The following PCDHGA8 variants were observed in gnomAD, a reference collection of about 807,000 sequenced individuals.
PCDHGA8 encodes protocadherin gamma-A8.
In PCDHGA8, 45 loss-of-function variants were observed where a neutral mutation model predicts 59.2. That is an observed-to-expected ratio of 0.76 (90% CI 0.60 to 0.98). PCDHGA8 has a LOEUF of 0.98. PCDHGA8 is among the 50% of genes least tolerant of loss of function. The pLI, the probability that PCDHGA8 is intolerant of heterozygous loss-of-function variation, is 0.00. For synonymous variants in PCDHGA8, 531 were observed against 519.0 expected, an observed-to-expected ratio of 1.02 and a Z score of -0.32; for missense variants, 1,257 against 1,196.2, an observed-to-expected ratio of 1.05 and a Z score of -0.75.
chr5:141,394,705 C>T lies in PCDHGA8; in HGVS notation c.1892C>T (p.Ala631Val), dbSNP rs1245348426. 6.2e-7 allele frequency: 1 copy of T among 1,613,256 alleles called. No individual in the cohort carries two copies. The highest frequency in any genetic ancestry group is 1.7e-5 in the Admixed American group (1 of 60,012). ...LHTGEVRTAR[A>V]LLDRDALKQS... ...ACGGGCGAGGTGCGCACGGCGCGAG[C>T]CCTGCTGGACAGAGATGCGCTCAAG... The change falls in exon 1 of 4, where the codon GCC becomes GTC. Residue 631 changes from alanine (A) to valine (V), a missense_variant. Coordinates refer to ENST00000398604, the MANE Select transcript of PCDHGA8 (RefSeq NM_032088.2).
At position 141,485,325 on chromosome 5, in the gene PCDHGA8, A is replaced by T; in HGVS notation, c.2425-9482A>T. 6.2e-7 allele frequency: 1 copy of T among 1,614,078 alleles called. No homozygotes were observed. Among genetic ancestry groups the T allele is most frequent in the Non-Finnish European group, 8.5e-7 (1 of 1,180,014 alleles). ...ACTTTTGTAGGGAATGTCGCTCAAG[A>T]TTTCCTGCTGGATACGGACAGTCTG... is the stretch of plus-strand genomic sequence containing the variant. On this transcript the variant is annotated intron_variant, in intron 1 of 3. Coordinates refer to ENST00000398604, the MANE Select transcript of PCDHGA8 (RefSeq NM_032088.2). This position sits in a 1 kb window ranked among gnomAD's most constrained non-coding sequence, Gnocchi z 5.7.
chr5:141,394,667 G>T lies in PCDHGA8; in HGVS notation c.1854G>T (p.Ser618=). 1.2e-6 allele frequency: 2 copies of T among 1,613,252 alleles called. No individual in the cohort carries two copies. Among genetic ancestry groups the T allele is most frequent in the East Asian group, 2.2e-5 (1 of 44,860 alleles). The change falls in exon 1 of 4, where the codon TCG becomes TCT. Residue 618 remains serine (S), a synonymous_variant. Transcript: ENST00000398604. ...LLKASEPGLF[S]VGLHTGEVRT... is the part of the protein sequence containing the mutation. Reference sequence around the variant, plus strand: ...AGGCCAGCGAGCCGGGACTCTTCTCGGTGGGTCTGCACACGGGCGAGGTGC... The same window carrying T: ...AGGCCAGCGAGCCGGGACTCTTCTCTGTGGGTCTGCACACGGGCGAGGTGC...
intron 2 of PCDHGA8, among the ~76,000 whole-genome samples, chr5:141,496,827 C>A (rs1595415247): frequency 6.6e-6 from 1 of 151,780 alleles, no homozygotes; most frequent in East Asian, 1.9e-4. Context: ...TAGATGTGAT[C>A]CCAGAACTCA....
Position 141,400,574 on chromosome 5 carries a change from T to A in PCDHGA8, c.2424+5337T>A, listed in dbSNP as rs1589419530. On this transcript the variant is annotated intron_variant, in intron 1 of 3. Transcript: ENST00000398604. ...TTTTCATTACCCACCCAATTTTCTG[T>A]ATTTACATGAAACTATCGTACATTT... 3 of 1,612,232 alleles carry A rather than the reference T, an allele frequency of 1.9e-6. No individual in the cohort carries two copies. In the Middle Eastern group the frequency reaches 4.9e-4, roughly 266 times the overall value.
rs2099419063 is a variant in PCDHGA8 at position 141,477,824 on chromosome 5, C to G, written c.2425-16983C>G. On this transcript the variant is annotated intron_variant, in intron 1 of 3. Coordinates refer to ENST00000398604, the MANE Select transcript of PCDHGA8 (RefSeq NM_032088.2). This position sits in a 1 kb window ranked among gnomAD's most constrained non-coding sequence, Gnocchi z 4.9. ...TGACAATGCCCCCCAGGTCCTATAT[C>G]CTCGGCCAGGTGGGAGCTCGGTGGA... is the stretch of plus-strand genomic sequence containing the variant. 5.6e-6 allele frequency: 9 copies of G among 1,614,196 alleles called. No individual in the cohort carries two copies. The highest frequency in any genetic ancestry group is 5.9e-6 in the Non-Finnish European group (7 of 1,180,034).
rs745334496 is a variant in PCDHGA8 at position 141,478,302 on chromosome 5, C to A, written c.2425-16505C>A. 47 of 1,613,952 alleles carry A rather than the reference C, an allele frequency of 2.9e-5. 1 individual carries two copies. In the Admixed American group the frequency reaches 7.0e-4, roughly 24 times the overall value. On this transcript the variant is annotated intron_variant, in intron 1 of 3. Transcript: ENST00000398604. ...AAGCAGTCTAGAGACCTATACCGAGCCCCGGTGAGCTCACTGTACCGAACA... is the reference window on the plus strand; with the variant it reads ...AAGCAGTCTAGAGACCTATACCGAGACCCGGTGAGCTCACTGTACCGAACA...
In PCDHGA8 at chr5:141,393,504, A is replaced by T; in HGVS notation, c.691A>T (p.Thr231Ser). ...PRSSTVRIHV[T>S]VLDTNDNAPV... ...CTCTAGCACAGTGCGCATCCACGTG[A>T]CAGTGTTGGATACAAATGACAATGC... The change falls in exon 1 of 4, where the codon ACA (threonine) becomes TCA (serine). Residue 231 changes from threonine to serine, a missense_variant. Transcript: ENST00000398604. The T allele has an allele frequency of 6.2e-7, 1 of 1,614,036 alleles. No homozygotes were observed.
rs726684 is a variant in PCDHGA8 at position 141,392,860 on chromosome 5, T to C, written c.47T>C (p.Leu16Pro). 1 of 1,612,118 alleles carries C rather than the reference T, an allele frequency of 6.2e-7. No individual in the cohort carries two copies. Among genetic ancestry groups the C allele is most frequent in the Non-Finnish European group, 8.5e-7 (1 of 1,179,232 alleles). Residue 16 changes from leucine to proline, a missense_variant, in exon 1 of 4, where the codon CTG (leucine) becomes CCG (proline). By Grantham distance (98) the Leu-to-Pro change is moderately conservative. Coordinates refer to ENST00000398604, the MANE Select transcript of PCDHGA8 (RefSeq NM_032088.2). The part of the protein sequence containing the change: ...SRPRRGELIL[L>P]CALLGTLWEI... ...CCCAGACGCGGCGAGCTGATCCTGC[T>C]GTGCGCGCTGCTGGGAACGCTGTGG...
chr5:141,413,981 C>T (rs563161887), intron 1 of PCDHGA8: 52 of 1,613,334 alleles, frequency 3.2e-5, no homozygotes, highest in African/African-American at 5.3e-5. Context: ...CTGACAGTCA[C>T]AGCCACCGAC....
intron 1 of PCDHGA8, chr5:141,399,809 C>A (rs547922730): frequency 1.2e-6 from 2 of 1,613,222 alleles, no homozygotes; most frequent in Admixed American, 1.7e-5. Flanking sequence ...GTGCTGTACC[C>A]CGCGCTGGGT....
chr5:141,418,785 T>C, intron 1 of PCDHGA8: 1 of 1,613,862 alleles, frequency 6.2e-7, no homozygotes, highest in African/African-American at 1.3e-5. Flanking sequence ...CCTTTGGATT[T>C]TGAAGAAGTA....
intron 1 of PCDHGA8, among the ~76,000 whole-genome samples, chr5:141,457,171 T>C (rs1337137368): frequency 3.3e-5 from 5 of 152,216 alleles, no homozygotes; most frequent in Non-Finnish European, 7.3e-5. Flanking sequence ...GATAACCCTA[T>C]TGCAAATAGT....
At position 141,511,399 on chromosome 5, in the gene PCDHGA8, A is replaced by C; in HGVS notation, c.*226A>C. 1.0e-6 allele frequency: 1 copy of C among 987,714 alleles called. No homozygotes were observed. The highest frequency in any genetic ancestry group is 1.4e-6 in the Non-Finnish European group (1 of 693,342). The allele number at this position is 987,714 out of a possible 1,614,324, so 61.2% of individuals were successfully genotyped here. ...CAGTTCCGCTGGGAACCCCCATCCA[A>C]TCAACTGCTGTACCCATGGGGGTAG... On this transcript the variant is annotated 3_prime_UTR_variant, in exon 4 of 4. Transcript: ENST00000398604.
chr5:141,413,665 C>T (rs770111467), intron 1 of PCDHGA8: 1 of 1,613,726 alleles, frequency 6.2e-7, no homozygotes, highest in East Asian at 2.2e-5. Flanking sequence ...AGCTATTGAT[C>T]CGGATGTGGG....
At chr5:141,409,071 A>G in intron 1 of PCDHGA8, 4 of 1,613,996 alleles carry the variant, frequency 2.5e-6, no homozygotes, top group Non-Finnish European at 3.4e-6. Context: ...AGCACAAAAC[A>G]TATGTTCTCA....
In PCDHGA8 at chr5:141,477,143, G is replaced by T; in HGVS notation, c.2425-17664G>T. On this transcript the variant is annotated intron_variant, in intron 1 of 3. Transcript: ENST00000398604. The surrounding 1 kb of genome is among the most constrained non-coding windows in gnomAD (Gnocchi z 4.9). The stretch of plus-strand genomic sequence containing the variant: ...ACATTGCAAAGTGTTGGTGGAGGTT[G>T]TGGATGTGAATGACAACGCCCCGGA... The T allele has an allele frequency of 6.2e-7, 1 of 1,614,198 alleles. No homozygotes were observed. The highest frequency in any genetic ancestry group is 8.5e-7 in the Non-Finnish European group (1 of 1,180,036).
At chr5:141,395,277 A>G (rs758440707) in intron 1 of PCDHGA8, 40 bp downstream of exon 1, 2 of 1,542,838 alleles carry the variant, frequency 1.3e-6, no homozygotes, top group East Asian at 2.3e-5. Flanking sequence ...TTCCAGATGA[A>G]TTTTATTTGG....
chr5:141,409,415 G>C, intron 1 of PCDHGA8: 1 of 1,614,008 alleles, frequency 6.2e-7, no homozygotes. Context: ...CTACAAACTG[G>C]TGACAGATGG....
intron 1 of PCDHGA8, chr5:141,403,092 A>G (rs764199669): frequency 6.2e-7 from 1 of 1,614,086 alleles, no homozygotes; most frequent in East Asian, 2.2e-5. Flanking sequence ...ATTGTGGGCA[A>G]CATCTCCAAG....
Sources: allele counts gnomAD v4.1 joint callset (sites outside exome capture counted in the v4.1 genomes callset), GRCh38; gene constraint gnomAD v4.1.1; non-coding constraint Gnocchi (gnomAD v3.1); transcripts MANE v1.5; gene names NCBI Gene and HGNC (gene_info 2026-07-23, HGNC 2026-07-21).